CLDN14: variants seen among roughly 807,000 people sequenced by gnomAD.
The protein encoded by CLDN14 is claudin 14.
CLDN14 carries 2 observed loss-of-function variants against 2.1 expected under a neutral mutation model. The ratio of observed to expected loss-of-function variants is 0.96; its 90% CI spans 0.39 to 3.01. The LOEUF is 3.01. CLDN14 is among the 30% of genes most tolerant of loss of function. The pLI is 0.09. For synonymous variants in CLDN14, 136 were observed against 154.4 expected, an observed-to-expected ratio of 0.88 and a Z score of 0.88; for missense variants, 298 against 328.0, an observed-to-expected ratio of 0.91 and a Z score of 0.71.
intron 1 of CLDN14, among the ~76,000 whole-genome samples, chr21:36,518,075 TACACACACACAC>T (rs3030072): frequency 1.1e-4 from 17 of 148,432 alleles, no homozygotes; most frequent in Non-Finnish European, 2.4e-4. Flanking sequence ...CTTACATACG[TACACACACACAC>T]ACACACACAC....
Position 36,461,754 on chromosome 21 carries a change from C to T in CLDN14, c.-59G>A. 1.3e-6 allele frequency: 2 copies of T among 1,535,952 alleles called. No individual in the cohort carries two copies. Among genetic ancestry groups the T allele is most frequent in the South Asian group, 2.4e-5 (2 of 83,520 alleles). On this transcript the variant is annotated 5_prime_UTR_variant, in exon 2 of 2. Transcript: ENST00000399135. Reference sequence around the variant, plus strand: ...TCCCTGGGCCCTCGGGGTCACGCCGCTCCTCAGGTGCCAGCCGGAGCCCTA... The same window carrying T: ...TCCCTGGGCCCTCGGGGTCACGCCGTTCCTCAGGTGCCAGCCGGAGCCCTA...
In CLDN14 at chr21:36,462,107, G is replaced by T. The variant is rs141042225; in HGVS notation, c.-81-331C>A. On this transcript the variant is annotated intron_variant, in intron 1 of 1. Transcript: ENST00000399135. ...GGTTCATCAGTAACCAGGAATAACAGTTGTTAAATCAACATGTATTATTCA... is the reference window on the plus strand; with the variant it reads ...GGTTCATCAGTAACCAGGAATAACATTTGTTAAATCAACATGTATTATTCA... Among the ~76,000 whole-genome samples the T allele has an allele frequency of 8.5e-5, 13 of 152,324 alleles. No individual in the cohort carries two copies. In the East Asian group the frequency reaches 2.3e-3, roughly 27 times the overall value.
intron 2 of CLDN14, among the ~76,000 whole-genome samples, chr21:36,497,645 G>A (rs979882303): frequency 2.0e-5 from 3 of 152,076 alleles, no homozygotes; most frequent in Admixed American, 6.6e-5. Context: ...CCGGAAAGCC[G>A]GAACGAAGCC....
At chr21:36,504,284 G>A (rs1452562549) in intron 2 of CLDN14, among the ~76,000 whole-genome samples, 4 of 151,958 alleles carry the variant, frequency 2.6e-5, no homozygotes, top group Non-Finnish European at 5.9e-5. Context: ...AGGCTGAAGA[G>A]AGTTATGATC....
chr21:36,474,927 C>T (rs1288734335), intron 1 of CLDN14, among the ~76,000 whole-genome samples: 1 of 152,124 alleles, frequency 6.6e-6, no homozygotes, highest in Non-Finnish European at 1.5e-5. Flanking sequence ...TCTGAGTTTG[C>T]TCCAAGTTTC....
intron 1 of CLDN14, among the ~76,000 whole-genome samples, chr21:36,513,193 A>G (rs917886035): frequency 1.3e-5 from 2 of 152,210 alleles, no homozygotes; most frequent in African/African-American, 4.8e-5. Context: ...ATCAGGGCCA[A>G]TGAGATTGGA....
intron 1 of CLDN14, among the ~76,000 whole-genome samples, chr21:36,570,339 G>A (rs1388979277): frequency 6.6e-6 from 1 of 152,158 alleles, no homozygotes; most frequent in Non-Finnish European, 1.5e-5. Context: ...TGCTAATGCT[G>A]GTCAGCTTTT....
At chr21:36,563,750 C>A (rs758527853) in intron 1 of CLDN14, among the ~76,000 whole-genome samples, 7 of 152,168 alleles carry the variant, frequency 4.6e-5, no homozygotes, top group Non-Finnish European at 8.8e-5. Context: ...CACGTGGAGC[C>A]TTTTGGCAGA....
At chr21:36,478,804 G>A (rs911456831) in intron 1 of CLDN14, among the ~76,000 whole-genome samples, 2 of 152,220 alleles carry the variant, frequency 1.3e-5, no homozygotes, top group African/African-American at 4.8e-5. Context: ...ACTAATCCTG[G>A]TTCCTTTTCT....
intron 1 of CLDN14, among the ~76,000 whole-genome samples, chr21:36,560,304 T>C (rs1439480464): frequency 6.6e-6 from 1 of 152,086 alleles, no homozygotes; most frequent in Non-Finnish European, 1.5e-5. Context: ...TCTATATTTT[T>C]AGATGAAAAA....
upstream of CLDN14, among the ~76,000 whole-genome samples, chr21:36,483,724 G>A (rs914531506): frequency 6.6e-5 from 10 of 152,316 alleles, no homozygotes; most frequent in African/African-American, 1.7e-4. Context: ...CTTATCCATC[G>A]TAGGTATTGC....
Position 36,460,733 on chromosome 21 carries a change from A to G in CLDN14, c.*243T>C, listed in dbSNP as rs1332478821. The G allele has an allele frequency of 2.0e-6, 1 of 505,604 alleles. No individual in the cohort carries two copies. Among genetic ancestry groups the G allele is most frequent in the East Asian group, 3.3e-5 (1 of 30,082 alleles). The allele number at this position is 505,604 out of a possible 1,614,324, so 31.3% of individuals were successfully genotyped here. A position where few individuals can be genotyped will look rare whatever the true frequency, so the allele number is the denominator to read the frequency against. ...TTGTTATCAAATCACCCACATAAAT[A>G]TATATAATAAATACAAAAACAGACA... On this transcript the variant is annotated 3_prime_UTR_variant, in exon 2 of 2. Coordinates refer to ENST00000399135, the MANE Select transcript of CLDN14 (RefSeq NM_001146079.2). The surrounding 1 kb of genome is among the most constrained non-coding windows in gnomAD (Gnocchi z 4.0).
At chr21:36,542,978 G>A (rs1221389265) in intron 1 of CLDN14, 1 of 152,342 alleles carries the variant, frequency 6.6e-6, no homozygotes, top group African/African-American at 2.4e-5. Flanking sequence ...AGGTTTAAAT[G>A]CCTGCGCATA....
At chr21:36,539,903 G>A (rs2087472147) in intron 1 of CLDN14, among the ~76,000 whole-genome samples, 1 of 151,546 alleles carries the variant, frequency 6.6e-6, no homozygotes, top group Non-Finnish European at 1.5e-5. Flanking sequence ...CAGAGGGAGT[G>A]TATGATTGGA....
chr21:36,538,731 C>T (rs1012052782), intron 1 of CLDN14, among the ~76,000 whole-genome samples: 1 of 150,092 alleles, frequency 6.7e-6, no homozygotes, highest in South Asian at 2.1e-4. Context: ...TGCTGCAGTG[C>T]TCCCTCAAGT....
At chr21:36,490,207 T>C (rs1257363914) in intron 2 of CLDN14, among the ~76,000 whole-genome samples, 1 of 152,086 alleles carries the variant, frequency 6.6e-6, no homozygotes, top group Non-Finnish European at 1.5e-5. Flanking sequence ...TTTAACTTTG[T>C]TAATTTAATT....
At chr21:36,568,221 T>C (rs2146528024) in intron 1 of CLDN14, among the ~76,000 whole-genome samples, 1 of 152,292 alleles carries the variant, frequency 6.6e-6, no homozygotes, top group Middle Eastern at 3.4e-3. Flanking sequence ...GAAACGGAGC[T>C]GCTAAGGTGG....
chr21:36,528,598 G>T (rs1212167926), intron 1 of CLDN14, among the ~76,000 whole-genome samples: 1 of 152,212 alleles, frequency 6.6e-6, no homozygotes, highest in South Asian at 2.1e-4. Context: ...AACTGGGTTA[G>T]GGTCTCTTCC....
At chr21:36,531,692 G>GTTTT (rs11318014) in intron 1 of CLDN14, among the ~76,000 whole-genome samples, 1 of 128,598 alleles carries the variant, frequency 7.8e-6, no homozygotes, top group Non-Finnish European at 1.7e-5. Flanking sequence ...GTCTTTGTCT[G>GTTTT]TTTTTTTTTT....
Sources: allele counts gnomAD v4.1 joint callset (sites outside exome capture counted in the v4.1 genomes callset), GRCh38; gene constraint gnomAD v4.1.1; non-coding constraint Gnocchi (gnomAD v3.1); transcripts MANE v1.5; gene names NCBI Gene and HGNC (gene_info 2026-07-23, HGNC 2026-07-21).